Variants in RBFOX1 observed in about 807,000 individuals in gnomAD.
RBFOX1 encodes RNA binding fox-1 homolog 1.
In RBFOX1, 8 loss-of-function variants were observed where a neutral mutation model predicts 57.7. The observed-to-expected ratio is 0.14, with a 90% CI of 0.08 to 0.25. The LOEUF (loss-of-function observed/expected upper bound fraction) is 0.25, where lower values mean the gene tolerates loss of function less well. RBFOX1 is among the 10% of genes least tolerant of loss of function. The pLI is 1.00. For missense variants in RBFOX1, 611 were observed against 548.5 expected, an observed-to-expected ratio of 1.11 and a Z score of -1.14; for synonymous variants, 326 against 222.4, an observed-to-expected ratio of 1.47 and a Z score of -4.15.
chr16:5,703,730 G>A (rs1043947023), intron 3 of RBFOX1, among the ~76,000 whole-genome samples: 1 of 152,030 alleles, frequency 6.6e-6, no homozygotes, highest in African/African-American at 2.4e-5. Flanking sequence ...TTTTTTACAA[G>A]TGTCAAATGT....
chr16:7,318,915 A>G (rs1481857698), intron 4 of RBFOX1, among the ~76,000 whole-genome samples: 1 of 152,156 alleles, frequency 6.6e-6, no homozygotes, highest in African/African-American at 2.4e-5. Flanking sequence ...AGGTAGGCAG[A>G]TGAGCACACC....
Position 6,380,223 on chromosome 16 carries a change from T to G in RBFOX1, c.-64+63166T>G, listed in dbSNP as rs2091650133. 2.0e-5 allele frequency among the ~76,000 whole-genome samples: 3 copies of G among 151,888 alleles called. No individual in the cohort carries two copies. In the South Asian group the frequency reaches 6.2e-4, roughly 32 times the overall value. ...GCTCATTCAGATGACTTTTATTGGG[T>G]GCCTTCTGTGCTCCAAGCCCTGGGA... On this transcript the variant is annotated intron_variant, in intron 2 of 15. Coordinates refer to ENST00000550418, the MANE Select transcript of RBFOX1 (RefSeq NM_018723.4).
chr16:6,311,678 C>T (rs1252677110), intron 1 of RBFOX1, among the ~76,000 whole-genome samples: 3 of 152,122 alleles, frequency 2.0e-5, no homozygotes, highest in African/African-American at 4.8e-5. Context: ...ATGAATCTTT[C>T]GCATGGCAGA....
intron 2 of RBFOX1, among the ~76,000 whole-genome samples, chr16:5,538,754 G>A (rs2044808716): frequency 6.6e-6 from 1 of 151,898 alleles, no homozygotes; most frequent in African/African-American, 2.4e-5. Context: ...AGACTCCCGA[G>A]TAGCTGGGAC....
chr16:5,493,976 A>G lies in RBFOX1; in HGVS notation c.258+26722A>G, dbSNP rs113423953. On this transcript the variant is annotated intron_variant, in intron 2 of 2. Transcript: ENST00000585867. ...AAAGGATAGAAAATAAAGAGATTTC[A>G]GAAGGGCAGAGATAAACAGCCTTCT... 1.7e-3 allele frequency among the ~76,000 whole-genome samples: 254 copies of G among 152,370 alleles called. 1 individual carries two copies. The highest frequency in any genetic ancestry group is 5.7e-3 in the African/African-American group (238 of 41,596).
chr16:5,716,386 T>G (rs2051699244), intron 3 of RBFOX1, among the ~76,000 whole-genome samples: 2 of 152,148 alleles, frequency 1.3e-5, no homozygotes, highest in African/African-American at 2.4e-5. Flanking sequence ...TTCCTGATCC[T>G]CTCCCTCCTC....
chr16:5,743,424 G>C (rs978148886), intron 3 of RBFOX1, among the ~76,000 whole-genome samples: 8 of 152,136 alleles, frequency 5.3e-5, no homozygotes, highest in African/African-American at 1.9e-4. Flanking sequence ...GTGGAAGGAG[G>C]AGTCTTACAT....
intron 4 of RBFOX1, among the ~76,000 whole-genome samples, chr16:7,477,025 C>CT (rs1255869372): frequency 2.6e-5 from 4 of 152,176 alleles, no homozygotes; most frequent in African/African-American, 9.7e-5. Flanking sequence ...CTAACACTTG[C>CT]TGTCAGGCTG....
At chr16:6,942,480 G>A (rs190943507) in intron 3 of RBFOX1, among the ~76,000 whole-genome samples, 112 of 152,176 alleles carry the variant, frequency 7.4e-4, no homozygotes, top group African/African-American at 2.6e-3. Context: ...TAAGAATGTT[G>A]ACAACATCTC....
At position 7,604,708 on chromosome 16, in the gene RBFOX1, G is replaced by C. The variant is rs564144607; in HGVS notation, c.623-2577G>C. ...GCCTCAAATGCCTCTGAGAGATCTG[G>C]AATTTTTTGCTTTGTTCTTAGAAAA... is the stretch of plus-strand genomic sequence containing the variant. On this transcript the variant is annotated intron_variant, in intron 9 of 15. Coordinates refer to ENST00000550418, the MANE Select transcript of RBFOX1 (RefSeq NM_018723.4). Among the ~76,000 whole-genome samples, 65 of 152,230 alleles carry C rather than the reference G, an allele frequency of 4.3e-4. 3 individuals are homozygous for C. The South Asian group carries it at 0.013, about 32-fold the overall frequency.
intron 1 of RBFOX1, among the ~76,000 whole-genome samples, chr16:6,102,914 A>G (rs760075356): frequency 6.6e-5 from 10 of 151,976 alleles, no homozygotes; most frequent in Non-Finnish European, 1.3e-4. Context: ...GAAGAAAGTG[A>G]TGGAGTCTGG....
chr16:7,355,726 T>C (rs1407342986), intron 4 of RBFOX1, among the ~76,000 whole-genome samples: 1 of 152,210 alleles, frequency 6.6e-6, no homozygotes, highest in African/African-American at 2.4e-5. Flanking sequence ...TTGCCAATTC[T>C]TACACACAAA....
chr16:6,865,639 C>T (rs936487306), intron 3 of RBFOX1, among the ~76,000 whole-genome samples: 1 of 152,094 alleles, frequency 6.6e-6, no homozygotes, highest in East Asian at 1.9e-4. Flanking sequence ...GAGATGTATT[C>T]TTCATGACGT....
Position 7,466,715 on chromosome 16 carries a change from T to C in RBFOX1, c.28-51432T>C, listed in dbSNP as rs188503821. Among the ~76,000 whole-genome samples the C allele has an allele frequency of 1.4e-3, 207 of 152,346 alleles. 1 individual carries two copies. The highest frequency in any genetic ancestry group is 4.8e-3 in the African/African-American group (201 of 41,582). ...CAGTGACGCTTACCTGCATGAATTA[T>C]TCAGTGATGATGCCCAGGTATCCAC... On this transcript the variant is annotated intron_variant, in intron 4 of 15. Coordinates refer to ENST00000550418, the MANE Select transcript of RBFOX1 (RefSeq NM_018723.4).
intron 4 of RBFOX1, among the ~76,000 whole-genome samples, chr16:6,006,282 C>T (rs1295472902): frequency 6.6e-6 from 1 of 152,006 alleles, no homozygotes; most frequent in South Asian, 2.1e-4. Flanking sequence ...GGGCTGCATC[C>T]ACCAAGTCAC....
At chr16:6,891,880 T>C (rs1264688523) in intron 3 of RBFOX1, among the ~76,000 whole-genome samples, 1 of 152,174 alleles carries the variant, frequency 6.6e-6, no homozygotes, top group Non-Finnish European at 1.5e-5. Context: ...AGCACTGCTT[T>C]TAAAACAATC....
chr16:6,705,162 C>T (rs1311428293), intron 3 of RBFOX1: 1 of 152,144 alleles, frequency 6.6e-6, no homozygotes, highest in Admixed American at 6.6e-5. Context: ...ATGAGCGTGG[C>T]AGACCCAGCC....
intron 4 of RBFOX1, among the ~76,000 whole-genome samples, chr16:7,426,193 G>T (rs573474994): frequency 6.6e-6 from 1 of 152,328 alleles, no homozygotes; most frequent in African/African-American, 2.4e-5. Context: ...GCCGAAAAGA[G>T]CTCTTAAAGA....
chr16:6,945,604 G>C (rs1027991220), intron 3 of RBFOX1, among the ~76,000 whole-genome samples: 1 of 151,984 alleles, frequency 6.6e-6, no homozygotes, highest in Admixed American at 6.6e-5. Context: ...GAATCCGCTG[G>C]TGCTGGCTAG....
Sources: gnomAD v4.1 joint callset for allele counts (sites outside exome capture counted in the v4.1 genomes callset) on GRCh38, gnomAD v4.1.1 for gene constraint, MANE v1.5 for transcripts, NCBI Gene and HGNC (gene_info 2026-07-23, HGNC 2026-07-21) for gene names.